The following CLSTN2 variants were observed in gnomAD, a reference collection of about 807,000 sequenced individuals.
The protein encoded by CLSTN2 is calsyntenin 2.
CLSTN2 carries 48 observed loss-of-function variants against 101.2 expected under a neutral mutation model. That is an observed-to-expected ratio of 0.47 (90% CI 0.38 to 0.60). CLSTN2 has a LOEUF of 0.60. Ranked by LOEUF, CLSTN2 falls within the 20% of genes least tolerant of loss-of-function variation. The probability of loss-of-function intolerance (pLI) is 0.00; values close to 1 mark genes in which losing one functional copy is unlikely to be tolerated. For synonymous variants in CLSTN2, 481 were observed against 463.6 expected, an observed-to-expected ratio of 1.04 and a Z score of -0.48; for missense variants, 1,160 against 1,238.2, an observed-to-expected ratio of 0.94 and a Z score of 0.95.
intron 2 of CLSTN2, among the ~76,000 whole-genome samples, chr3:140,264,347 T>C (rs1458836734): frequency 8.3e-6 from 1 of 119,974 alleles, no homozygotes; most frequent in Non-Finnish European, 1.9e-5. Flanking sequence ...TACAGAGCTG[T>C]TGCTGTGAGT....
rs142815831 is a variant in CLSTN2 at position 140,006,797 on chromosome 3, TTATTATTGGTAC to T, written c.109+71316_109+71327del. Among the ~76,000 whole-genome samples the T allele has an allele frequency of 4.2e-3, 636 of 152,310 alleles. 2 individuals are homozygous for T. The highest frequency in any genetic ancestry group is 0.014 in the African/African-American group (573 of 41,562). Reference sequence around the variant, plus strand: ...TGTTTTTATAAGTGCAGTGTCTGGTTTATTATTGGTACTCAGTAAATAGTAGCTCTATCAATA... The same window carrying T: ...TGTTTTTATAAGTGCAGTGTCTGGTTTCAGTAAATAGTAGCTCTATCAATA... On this transcript the variant is annotated intron_variant, in intron 1 of 16. Coordinates refer to ENST00000458420, the MANE Select transcript of CLSTN2 (RefSeq NM_022131.3).
At chr3:139,991,633 G>C (rs972557792) in intron 1 of CLSTN2, among the ~76,000 whole-genome samples, 3 of 152,256 alleles carry the variant, frequency 2.0e-5, no homozygotes, top group African/African-American at 7.2e-5. Context: ...TTAATGTGCA[G>C]TATGCACCAT....
At chr3:140,076,652 T>TTTTTC (rs2008497974) in intron 1 of CLSTN2, among the ~76,000 whole-genome samples, 4 of 123,658 alleles carry the variant, frequency 3.2e-5, no homozygotes, top group Non-Finnish European at 7.1e-5. Context: ...TTTTTTTTTT[T>TTTTTC]TCCTAGCCTT....
At chr3:140,178,782 A>G (rs1268761091) in intron 2 of CLSTN2, among the ~76,000 whole-genome samples, 1 of 152,218 alleles carries the variant, frequency 6.6e-6, no homozygotes, top group Admixed American at 6.5e-5. Context: ...TGAAAAATTC[A>G]TATCTGCCAA....
chr3:140,384,686 T>C (rs2088031234), intron 2 of CLSTN2, among the ~76,000 whole-genome samples: 2 of 152,206 alleles, frequency 1.3e-5, no homozygotes, highest in Non-Finnish European at 2.9e-5. Flanking sequence ...TGCCCTGAGA[T>C]GCTGACTTAT....
At chr3:139,937,239 A>G (rs1935038929) in intron 1 of CLSTN2, among the ~76,000 whole-genome samples, 1 of 152,158 alleles carries the variant, frequency 6.6e-6, no homozygotes, top group Non-Finnish European at 1.5e-5. Context: ...ATTTGGGAAG[A>G]GGATCTGGTG....
intron 1 of CLSTN2, among the ~76,000 whole-genome samples, chr3:139,961,481 A>G (rs1834499): frequency 0.89 from 134,766 of 152,056 alleles, 60,583 homozygotes; most frequent in East Asian, 1. Context: ...ATAGAAGCAG[A>G]GTTTGAACAA....
chr3:140,282,021 G>A (rs1430331100), intron 2 of CLSTN2, among the ~76,000 whole-genome samples: 1 of 152,118 alleles, frequency 6.6e-6, no homozygotes, highest in Non-Finnish European at 1.5e-5. Flanking sequence ...AGACATACCA[G>A]CCCAAAACTG....
intron 2 of CLSTN2, among the ~76,000 whole-genome samples, chr3:140,268,277 G>C (rs2086713347): frequency 6.6e-6 from 1 of 152,184 alleles, no homozygotes; most frequent in Admixed American, 6.5e-5. Flanking sequence ...GAAAGGAGCA[G>C]TGGATGTGTG....
At chr3:140,462,669 C>T (rs1371693138) in intron 7 of CLSTN2, 1 of 152,212 alleles carries the variant, frequency 6.6e-6, no homozygotes, top group Admixed American at 6.5e-5. Context: ...AACACCACTA[C>T]TTCCACCAAG....
chr3:140,074,408 G>C (rs1400489300), intron 1 of CLSTN2, among the ~76,000 whole-genome samples: 1 of 152,166 alleles, frequency 6.6e-6, no homozygotes, highest in African/African-American at 2.4e-5. Context: ...TGGGTTGGGG[G>C]AGTAGCTGTT....
At position 139,995,394 on chromosome 3, in the gene CLSTN2, G is replaced by A. The variant is rs529834635; in HGVS notation, c.109+59911G>A. Among the ~76,000 whole-genome samples the A allele has an allele frequency of 2.2e-3, 341 of 152,254 alleles. 5 individuals carry two copies. The highest frequency in any genetic ancestry group is 7.1e-3 in the African/African-American group (297 of 41,562). On this transcript the variant is annotated intron_variant, in intron 1 of 16. Transcript: ENST00000458420. ...TTTTCTCTTTCTCTCTGGGACCAAG[G>A]CAGGAAGTAGCTTGAGCTCAGGACT...
At chr3:140,425,126 T>C (rs1371941001) in intron 5 of CLSTN2, among the ~76,000 whole-genome samples, 2 of 152,154 alleles carry the variant, frequency 1.3e-5, no homozygotes, top group Admixed American at 6.5e-5. Context: ...CAGGAGGGGA[T>C]TGCAGCACAG....
chr3:140,257,069 T>A (rs1009627014), intron 2 of CLSTN2, among the ~76,000 whole-genome samples: 3 of 152,108 alleles, frequency 2.0e-5, no homozygotes, highest in African/African-American at 7.2e-5. Context: ...AATATTTTTT[T>A]AAAAAACAAA....
At chr3:140,069,695 C>A (rs562467450) in intron 1 of CLSTN2, among the ~76,000 whole-genome samples, 2 of 152,260 alleles carry the variant, frequency 1.3e-5, no homozygotes, top group Admixed American at 1.3e-4. Context: ...CGCATGTTGG[C>A]AAAGGCAAGA....
chr3:140,398,033 A>G (rs2088202738), intron 2 of CLSTN2, among the ~76,000 whole-genome samples: 1 of 100,346 alleles, frequency 1.0e-5, no homozygotes, highest in Non-Finnish European at 2.5e-5. Flanking sequence ...GACAGCAAAT[A>G]CTCTCAGTTC....
In CLSTN2 at chr3:140,403,626, C is replaced by A; in HGVS notation, c.233-3C>A. 6.2e-7 allele frequency: 1 copy of A among 1,602,216 alleles called. No individual in the cohort carries two copies. On this transcript the variant is annotated splice_region_variant and splice_polypyrimidine_tract_variant and intron_variant, in intron 2 of 16. Transcript: ENST00000458420. Reference sequence around the variant, plus strand: ...CCACTCACTGTTTTCCATCCTTCTGCAGGGGAAATCTGTGCGTTCAAGATC... The same window carrying A: ...CCACTCACTGTTTTCCATCCTTCTGAAGGGGAAATCTGTGCGTTCAAGATC...
At chr3:140,442,328 G>A (rs926341989) in intron 5 of CLSTN2, among the ~76,000 whole-genome samples, 3 of 152,164 alleles carry the variant, frequency 2.0e-5, no homozygotes, top group Admixed American at 1.3e-4. Flanking sequence ...AGACAACTAC[G>A]TCCAAGAGCT....
intron 8 of CLSTN2, among the ~76,000 whole-genome samples, chr3:140,519,023 T>C (rs1359458805): frequency 6.6e-6 from 1 of 152,238 alleles, no homozygotes; most frequent in Non-Finnish European, 1.5e-5. Context: ...GTCTGGTACA[T>C]TGTCTCTTTG....
Sources: allele counts gnomAD v4.1 joint callset (sites outside exome capture counted in the v4.1 genomes callset), GRCh38; gene constraint gnomAD v4.1.1; transcripts MANE v1.5; gene names NCBI Gene and HGNC (gene_info 2026-07-23, HGNC 2026-07-21).